The following LRP1B variants were observed in gnomAD, a reference collection of about 807,000 sequenced individuals.
The protein encoded by LRP1B is low-density lipoprotein receptor-related protein 1B.
Under a neutral mutation model 556.6 loss-of-function variants are expected in LRP1B, and 217 were observed. The observed-to-expected ratio is 0.39, with a 90% CI of 0.35 to 0.44. The LOEUF (loss-of-function observed/expected upper bound fraction) is 0.44. Among genes scored for constraint, LRP1B ranks in the 20% least tolerant of loss-of-function variants. The probability of loss-of-function intolerance (pLI) is 1.00; values close to 1 mark genes in which losing one functional copy is unlikely to be tolerated. For synonymous variants in LRP1B, 2,047 were observed against 1,865.8 expected (o/e 1.10, Z -2.50); for missense variants, 5,053 against 5,620.8 (o/e 0.90, Z 3.23).
intron 41 of LRP1B, among the ~76,000 whole-genome samples, chr2:140,668,886 A>C (rs1273919475): frequency 6.6e-6 from 1 of 152,252 alleles, no homozygotes; most frequent in African/African-American, 2.4e-5. Flanking sequence ...AGAAAATGTA[A>C]AATACGGGAC....
intron 7 of LRP1B, among the ~76,000 whole-genome samples, chr2:141,121,095 A>G (rs752468088): frequency 6.6e-6 from 1 of 152,032 alleles, no homozygotes; most frequent in Non-Finnish European, 1.5e-5. Flanking sequence ...TGCATTTACC[A>G]CCTATGCGAC....
chr2:141,722,385 A>G (rs754920687), intron 2 of LRP1B, among the ~76,000 whole-genome samples: 1 of 152,122 alleles, frequency 6.6e-6, no homozygotes. Flanking sequence ...CTTGGGGGGA[A>G]AAAATGGTCT....
chr2:140,955,628 C>A (rs116167004), intron 18 of LRP1B, among the ~76,000 whole-genome samples: 2,357 of 151,850 alleles, frequency 0.016, 24 homozygotes, highest in Non-Finnish European at 0.024. Flanking sequence ...TAAAAATCTT[C>A]TATTATTACA....
intron 3 of LRP1B, among the ~76,000 whole-genome samples, chr2:141,400,625 G>A (rs146948164): frequency 1.3e-5 from 2 of 152,182 alleles, no homozygotes; most frequent in Admixed American, 1.3e-4. Context: ...AGCGTCAAGA[G>A]CCTTCAGACA....
At chr2:141,397,006 G>A (rs987659411) in intron 3 of LRP1B, among the ~76,000 whole-genome samples, 12 of 150,542 alleles carry the variant, frequency 8.0e-5, no homozygotes, top group South Asian at 6.3e-4. Flanking sequence ...CCAACTACTC[G>A]GGAGGCTTAG....
At chr2:141,124,346 A>G (rs2105007191) in intron 7 of LRP1B, among the ~76,000 whole-genome samples, 1 of 152,262 alleles carries the variant, frequency 6.6e-6, no homozygotes, top group East Asian at 1.9e-4. Context: ...TGCATCGCTC[A>G]CAAGAGCTAT....
intron 2 of LRP1B, among the ~76,000 whole-genome samples, chr2:141,678,796 A>C (rs1690989129): frequency 6.6e-6 from 1 of 152,144 alleles, no homozygotes; most frequent in African/African-American, 2.4e-5. Flanking sequence ...AGTTAGAAAA[A>C]TGTGACAGTG....
At chr2:140,600,766 G>GTTTTTTT (rs1558996101) in intron 42 of LRP1B, among the ~76,000 whole-genome samples, 52 of 46,196 alleles carry the variant, frequency 1.1e-3, no homozygotes, top group African/African-American at 3.9e-3. Context: ...TGTTCTTCGG[G>GTTTTTTT]GTTTTTTTTT....
intron 6 of LRP1B, among the ~76,000 whole-genome samples, chr2:141,226,632 A>T (rs1683259916): frequency 6.6e-6 from 1 of 152,204 alleles, no homozygotes; most frequent in Non-Finnish European, 1.5e-5. Flanking sequence ...AGTGACAGGT[A>T]TTCAGGCTGA....
At chr2:140,342,107 CTATT>C (rs1348185102) in intron 77 of LRP1B, among the ~76,000 whole-genome samples, 4 of 151,502 alleles carry the variant, frequency 2.6e-5, no homozygotes, top group South Asian at 2.1e-4. Flanking sequence ...TATTATATAA[CTATT>C]TATTTGTGAA....
chr2:141,862,801 A>G (rs1304567011), intron 1 of LRP1B, among the ~76,000 whole-genome samples: 1 of 152,244 alleles, frequency 6.6e-6, no homozygotes, highest in Non-Finnish European at 1.5e-5. Flanking sequence ...TTTTGAGATT[A>G]TAAAAGAAAT....
intron 2 of LRP1B, among the ~76,000 whole-genome samples, chr2:141,587,385 CT>C (rs1225639944): frequency 1.3e-5 from 2 of 152,166 alleles, no homozygotes; most frequent in African/African-American, 2.4e-5. Flanking sequence ...AGGTGTGCTA[CT>C]TTCTATAAAT....
intron 3 of LRP1B, among the ~76,000 whole-genome samples, chr2:141,475,499 G>T (rs1431320868): frequency 6.6e-6 from 1 of 152,132 alleles, no homozygotes; most frequent in Non-Finnish European, 1.5e-5. Context: ...ATCCTGGGTA[G>T]AAGAGAGCAG....
At chr2:141,078,916 T>A (rs1210843996) in intron 7 of LRP1B, among the ~76,000 whole-genome samples, 1 of 152,190 alleles carries the variant, frequency 6.6e-6, no homozygotes, top group Non-Finnish European at 1.5e-5. Flanking sequence ...CCATCTTGGA[T>A]AGTGAGATTA....
intron 6 of LRP1B, among the ~76,000 whole-genome samples, chr2:141,222,165 AAG>A (rs1683074086): frequency 6.6e-6 from 1 of 152,146 alleles, no homozygotes; most frequent in African/African-American, 2.4e-5. Context: ...TAAGGAAGAA[AAG>A]AGAATATTCA....
chr2:140,646,941 T>C (rs1684506688), intron 41 of LRP1B, among the ~76,000 whole-genome samples: 1 of 152,038 alleles, frequency 6.6e-6, no homozygotes, highest in Non-Finnish European at 1.5e-5. Context: ...TATAAACATA[T>C]AGATTGAAAT....
intron 31 of LRP1B, among the ~76,000 whole-genome samples, chr2:140,828,370 G>C (rs1436378345): frequency 6.6e-6 from 1 of 151,642 alleles, no homozygotes; most frequent in East Asian, 2.0e-4. Flanking sequence ...AGCACTTTGG[G>C]AGGCCGAGGC....
chr2:140,253,901 T>C (rs1247289591), intron 86 of LRP1B, among the ~76,000 whole-genome samples: 1 of 152,160 alleles, frequency 6.6e-6, no homozygotes, highest in Admixed American at 6.6e-5. Context: ...GAATGTGTGC[T>C]GCAATACTAG....
chr2:140,679,366 A>C (rs1685784347), intron 41 of LRP1B, among the ~76,000 whole-genome samples: 1 of 152,196 alleles, frequency 6.6e-6, no homozygotes, highest in African/African-American at 2.4e-5. Context: ...GTTTCTGTTC[A>C]TCTGTCTGGT....
Sources: gnomAD v4.1 joint callset for allele counts (sites outside exome capture counted in the v4.1 genomes callset) on GRCh38, gnomAD v4.1.1 for gene constraint, MANE v1.5 for transcripts, NCBI Gene and HGNC (gene_info 2026-07-23, HGNC 2026-07-21) for gene names.